The following FAM117B variants were observed in gnomAD, a reference collection of about 807,000 sequenced individuals.
FAM117B encodes the protein protein FAM117B.
In FAM117B, 22 loss-of-function variants were observed where a neutral mutation model predicts 52.8. The observed-to-expected ratio is 0.42, with a 90% CI of 0.30 to 0.59. FAM117B has a LOEUF of 0.59. FAM117B is among the 20% of genes least tolerant of loss of function. The pLI is 0.22. For missense variants in FAM117B, 678 were observed against 802.6 expected (o/e 0.84, Z 1.88); for synonymous variants, 309 against 324.1 (o/e 0.95, Z 0.50).
At chr2:202,737,001 A>T (rs183568411) in intron 4 of FAM117B, among the ~76,000 whole-genome samples, 48 of 152,210 alleles carry the variant, frequency 3.2e-4, no homozygotes, top group African/African-American at 1.1e-3. Flanking sequence ...TAGGCTGCTG[A>T]TGGGACTTGT....
At chr2:202,640,705 G>A (rs1028470840) in intron 1 of FAM117B, among the ~76,000 whole-genome samples, 3 of 151,874 alleles carry the variant, frequency 2.0e-5, no homozygotes, top group Non-Finnish European at 4.4e-5. Flanking sequence ...TGCCTCCGGG[G>A]TTCGGGTAAT....
intron 4 of FAM117B, among the ~76,000 whole-genome samples, chr2:202,742,007 A>G (rs968283264): frequency 2.0e-5 from 3 of 152,234 alleles, no homozygotes; most frequent in African/African-American, 7.2e-5. Context: ...TACACAATCT[A>G]CATGGGGAAA....
intron 1 of FAM117B, among the ~76,000 whole-genome samples, chr2:202,674,783 G>A (rs1690350773): frequency 6.6e-6 from 1 of 152,156 alleles, no homozygotes; most frequent in Admixed American, 6.5e-5. Flanking sequence ...CTTTGGCATA[G>A]CATCTAGGAC....
Position 202,767,449 on chromosome 2 carries a change from C to G in FAM117B, c.*1685C>G, listed in dbSNP as rs985629835. Reference sequence around the variant, plus strand: ...TGCTGGGATTACAGGTGTGAGCCACCACGCCCATCCAGGAGCAGCTCTTTT... The same window carrying G: ...TGCTGGGATTACAGGTGTGAGCCACGACGCCCATCCAGGAGCAGCTCTTTT... On this transcript the variant is annotated 3_prime_UTR_variant, in exon 8 of 8. Coordinates refer to ENST00000392238, the MANE Select transcript of FAM117B (RefSeq NM_173511.4). 1 of 152,128 alleles carries G rather than the reference C, an allele frequency of 6.6e-6. No individual in the cohort carries two copies. The highest frequency in any genetic ancestry group is 1.5e-5 in the Non-Finnish European group (1 of 68,046). 9.4% of individuals were successfully genotyped at this position (152,128 alleles called of 1,614,324 possible). A position where few individuals can be genotyped will look rare whatever the true frequency, so the allele number is the denominator to read the frequency against.
intron 1 of FAM117B, among the ~76,000 whole-genome samples, chr2:202,643,705 C>CTT (rs1245844300): frequency 1.3e-5 from 2 of 152,004 alleles, no homozygotes; most frequent in Non-Finnish European, 2.9e-5. Context: ...CTACACATTT[C>CTT]TTTTTCTTTC....
intron 1 of FAM117B, among the ~76,000 whole-genome samples, chr2:202,664,204 C>T (rs1690169877): frequency 6.6e-6 from 1 of 152,172 alleles, no homozygotes. Flanking sequence ...GATTTGAGTA[C>T]ATTTAATTAG....
intron 4 of FAM117B, among the ~76,000 whole-genome samples, chr2:202,748,370 G>C (rs1313133309): frequency 6.6e-6 from 1 of 152,046 alleles, no homozygotes; most frequent in African/African-American, 2.4e-5. Context: ...CATTGGTCTA[G>C]GCAAAGATTT....
At chr2:202,726,185 G>A (rs1691241898) in intron 3 of FAM117B, 65 bp from the exon 4 acceptor site, 1 of 1,058,278 alleles carries the variant, frequency 9.4e-7, no homozygotes, top group Admixed American at 2.0e-5. Flanking sequence ...TTCTTATTAA[G>A]CAAGGATGTG....
chr2:202,680,131 C>T (rs886859224), intron 1 of FAM117B, among the ~76,000 whole-genome samples: 4 of 151,992 alleles, frequency 2.6e-5, no homozygotes, highest in Admixed American at 2.0e-4. Flanking sequence ...AAGTTGAAAA[C>T]GGCAGTAGAA....
At position 202,766,976 on chromosome 2, in the gene FAM117B, A is replaced by AC. The variant is rs1395257372; in HGVS notation, c.*1218dup. ...TGTTGCCTACAGATTTTGCTAATTT[A>AC]CCCCCCTAACGCTTCACATAGTGGG... is the stretch of plus-strand genomic sequence containing the variant. On this transcript the variant is annotated 3_prime_UTR_variant, in exon 8 of 8. Transcript: ENST00000392238. The AC allele has an allele frequency of 1.3e-5, 2 of 152,192 alleles. No individual in the cohort carries two copies. The highest frequency in any genetic ancestry group is 1.9e-4 in the East Asian group (1 of 5,164). The allele number at this position is 152,192 out of a possible 1,614,324, so 9.4% of individuals were successfully genotyped here. A position where few individuals can be genotyped will look rare whatever the true frequency, so the allele number is the denominator to read the frequency against.
intron 1 of FAM117B, among the ~76,000 whole-genome samples, chr2:202,670,695 C>T (rs932079373): frequency 6.6e-6 from 1 of 152,194 alleles, no homozygotes; most frequent in Admixed American, 6.5e-5. Flanking sequence ...GGCTTCTTCT[C>T]CACCAACTCC....
At chr2:202,742,143 A>T (rs1187704518) in intron 4 of FAM117B, among the ~76,000 whole-genome samples, 1 of 152,242 alleles carries the variant, frequency 6.6e-6, no homozygotes, top group African/African-American at 2.4e-5. Flanking sequence ...TCCCAATAAA[A>T]ATATCAGTAA....
At chr2:202,735,193 T>C (rs993177332) in intron 4 of FAM117B, among the ~76,000 whole-genome samples, 15 of 152,304 alleles carry the variant, frequency 9.8e-5, no homozygotes, top group East Asian at 1.9e-4. Flanking sequence ...GTGTGTGGAC[T>C]TAAAGCTTTT....
At chr2:202,667,708 C>G (rs946313078) in intron 1 of FAM117B, among the ~76,000 whole-genome samples, 1 of 151,714 alleles carries the variant, frequency 6.6e-6, no homozygotes, top group African/African-American at 2.4e-5. Context: ...ACTAGATAAC[C>G]TAAGTTAAAT....
At chr2:202,676,739 T>C (rs915055028) in intron 1 of FAM117B, among the ~76,000 whole-genome samples, 3 of 152,130 alleles carry the variant, frequency 2.0e-5, no homozygotes, top group Non-Finnish European at 2.9e-5. Flanking sequence ...AGTAGTTAAC[T>C]GATAAAAATT....
chr2:202,704,948 T>G (rs1470202371), intron 2 of FAM117B, among the ~76,000 whole-genome samples: 1 of 151,758 alleles, frequency 6.6e-6, no homozygotes, highest in Non-Finnish European at 1.5e-5. Context: ...TTCCACCTCC[T>G]AGGGGAAGAT....
At chr2:202,710,839 C>T (rs1690946288) in intron 2 of FAM117B, among the ~76,000 whole-genome samples, 6 of 152,156 alleles carry the variant, frequency 3.9e-5, no homozygotes, top group Non-Finnish European at 1.5e-5. Flanking sequence ...TGGCTGATTT[C>T]ACTTAACATA....
At chr2:202,736,763 A>C (rs1030828975) in intron 4 of FAM117B, among the ~76,000 whole-genome samples, 3 of 152,118 alleles carry the variant, frequency 2.0e-5, no homozygotes, top group Admixed American at 6.6e-5. Flanking sequence ...ACCCTGCTTT[A>C]GTCCATCAAT....
At position 202,765,488 on chromosome 2, in the gene FAM117B, C is replaced by T. The variant is rs1189373006; in HGVS notation, c.1494C>T (p.Asp498=). 1 of 1,613,576 alleles carries T rather than the reference C, an allele frequency of 6.2e-7. No individual in the cohort carries two copies. Among genetic ancestry groups the T allele is most frequent in the South Asian group, 1.1e-5 (1 of 91,068 alleles). The change falls in exon 8 of 8, where the codon GAC becomes GAT. Residue 498 remains aspartate (D), a synonymous_variant. Transcript: ENST00000392238. ...AAATCCCAGCCTTTTATTGTCCTGACAAAAACAAGGTGAATTTCATTCCTA... is the reference window on the plus strand; with the variant it reads ...AAATCCCAGCCTTTTATTGTCCTGATAAAAACAAGGTGAATTTCATTCCTA... The part of the protein sequence containing the change: ...LHEIPAFYCP[D]KNKVNFIPKS...
Sources: allele counts gnomAD v4.1 joint callset (sites outside exome capture counted in the v4.1 genomes callset), GRCh38; gene constraint gnomAD v4.1.1; transcripts MANE v1.5; gene names NCBI Gene and HGNC (gene_info 2026-07-23, HGNC 2026-07-21).